The following RGS17 variants were observed in gnomAD, a reference collection of about 807,000 sequenced individuals.
RGS17 encodes the protein regulator of G-protein signaling 17.
Under a neutral mutation model 25.5 loss-of-function variants are expected in RGS17, and 12 were observed. The observed-to-expected ratio is 0.47, with a 90% CI of 0.30 to 0.76. The LOEUF is 0.76. Among genes scored for constraint, RGS17 ranks in the 30% least tolerant of loss-of-function variants. RGS17 has a pLI of 0.07. For missense variants in RGS17, 196 were observed against 242.2 expected (o/e 0.81, Z 1.27); for synonymous variants, 71 against 76.9 (o/e 0.92, Z 0.40).
intron 1 of RGS17, among the ~76,000 whole-genome samples, chr6:153,086,409 C>T (rs939145105): frequency 1.3e-5 from 2 of 152,102 alleles, no homozygotes; most frequent in African/African-American, 4.8e-5. Flanking sequence ...TTGGCCTGCC[C>T]GTAAGTTATG....
intron 1 of RGS17, among the ~76,000 whole-genome samples, chr6:153,102,018 ACAAGGTATCAAATC>A (rs1777311118): frequency 6.6e-6 from 1 of 152,224 alleles, no homozygotes; most frequent in African/African-American, 2.4e-5. Flanking sequence ...GTACCTACCA[ACAAGGTATCAAATC>A]CATTGTTTGG....
At chr6:153,011,826 CTG>C (rs1766932508) in intron 4 of RGS17, 64 bp from the exon 5 acceptor site, 5 of 1,202,520 alleles carry the variant, frequency 4.2e-6, no homozygotes, top group South Asian at 3.2e-5. Context: ...AATTAAGTAA[CTG>C]TAGGTTTGTG....
intron 1 of RGS17, among the ~76,000 whole-genome samples, chr6:153,111,881 T>C (rs903905227): frequency 2.0e-5 from 3 of 152,134 alleles, no homozygotes; most frequent in Non-Finnish European, 2.9e-5. Context: ...CAGAAAGGAA[T>C]AGCATCAACA....
At chr6:153,028,867 G>A (rs976963074) in intron 2 of RGS17, among the ~76,000 whole-genome samples, 7 of 152,150 alleles carry the variant, frequency 4.6e-5, no homozygotes, top group Non-Finnish European at 7.3e-5. Flanking sequence ...ACAGAAGGCA[G>A]TACACATGAC....
chr6:153,126,980 G>A (rs183230951), intron 1 of RGS17, among the ~76,000 whole-genome samples: 10 of 152,264 alleles, frequency 6.6e-5, no homozygotes, highest in African/African-American at 1.2e-4. Flanking sequence ...ACCAGGGACC[G>A]GTTTCATGGA....
At chr6:153,042,603 T>C (rs758274522) in intron 2 of RGS17, among the ~76,000 whole-genome samples, 62 of 152,230 alleles carry the variant, frequency 4.1e-4, no homozygotes, top group Non-Finnish European at 5.9e-4. Context: ...TACTTCTTTA[T>C]AGCAGCATAA....
chr6:153,110,231 T>C (rs1777446818), intron 1 of RGS17, among the ~76,000 whole-genome samples: 1 of 152,172 alleles, frequency 6.6e-6, no homozygotes, highest in African/African-American at 2.4e-5. Context: ...CCGTAGTTCT[T>C]TTAAACAACG....
intron 1 of RGS17, among the ~76,000 whole-genome samples, chr6:153,064,193 C>T (rs1776675969): frequency 1.3e-5 from 2 of 152,128 alleles, no homozygotes; most frequent in South Asian, 2.1e-4. Flanking sequence ...ACACAGAGTA[C>T]TATAACATTG....
At chr6:153,024,196 A>G in intron 4 of RGS17, 66 bp downstream of exon 4, 1 of 1,042,694 alleles carries the variant, frequency 9.6e-7, no homozygotes, top group Non-Finnish European at 1.5e-6. Context: ...CCCAATGTGG[A>G]CAGCCATCCC....
At chr6:153,038,515 A>T (rs1776281089) in intron 2 of RGS17, among the ~76,000 whole-genome samples, 1 of 152,166 alleles carries the variant, frequency 6.6e-6, no homozygotes, top group South Asian at 2.1e-4. Context: ...GTACTCTGGA[A>T]ATCTTGTGCA....
chr6:153,014,356 A>C (rs1779161665), intron 4 of RGS17, among the ~76,000 whole-genome samples: 1 of 152,184 alleles, frequency 6.6e-6, no homozygotes, highest in Non-Finnish European at 1.5e-5. Context: ...TTAAAGTTCT[A>C]CTGCTCATTG....
chr6:153,030,805 A>G (rs1165079431), intron 2 of RGS17, among the ~76,000 whole-genome samples: 1 of 152,210 alleles, frequency 6.6e-6, no homozygotes, highest in Non-Finnish European at 1.5e-5. Context: ...AAAGGTGAAT[A>G]AGACAAAGGC....
chr6:153,110,043 A>G, intron 1 of RGS17, among the ~76,000 whole-genome samples: 1 of 152,256 alleles, frequency 6.6e-6, no homozygotes, highest in East Asian at 1.9e-4. Flanking sequence ...TCAAGAATGA[A>G]TACAATTGAT....
intron 1 of RGS17, among the ~76,000 whole-genome samples, chr6:153,103,056 G>A (rs1166937595): frequency 6.6e-6 from 1 of 152,112 alleles, no homozygotes; most frequent in Non-Finnish European, 1.5e-5. Context: ...TATGGCTAAT[G>A]GGTGTAGAAT....
At chr6:153,018,407 T>C (rs1285228172) in intron 4 of RGS17, among the ~76,000 whole-genome samples, 1 of 152,226 alleles carries the variant, frequency 6.6e-6, no homozygotes, top group African/African-American at 2.4e-5. Context: ...TGAGTATCAG[T>C]TTCTTTTGCT....
In RGS17 at chr6:153,006,415, CATCT is replaced by C. The variant is rs150563901; in HGVS notation, c.*5155_*5158del. The C allele has an allele frequency of 1.3e-5, 2 of 151,856 alleles. No individual in the cohort carries two copies. The highest frequency in any genetic ancestry group is 2.9e-5 in the Non-Finnish European group (2 of 67,804). The allele number at this position is 151,856 out of a possible 1,614,324, so 9.4% of individuals were successfully genotyped here. The stretch of plus-strand genomic sequence containing the variant: ...AACCTATAATTGTATATCCATTTAT[CATCT>C]ATCTATCATCTATCTATCAATCATC... On this transcript the variant is annotated 3_prime_UTR_variant, in exon 5 of 5. Coordinates refer to ENST00000206262, the MANE Select transcript of RGS17 (RefSeq NM_012419.5).
chr6:153,054,092 T>TTTTA lies in RGS17; in HGVS notation c.-25-10050_-25-10049insTAAA, dbSNP rs1554238271. ...CATATATATATACACACAATATTTTTTATATATATATATATATATATGTGT... is the reference window on the plus strand; with the variant it reads ...CATATATATATACACACAATATTTTTTTTATATATATATATATATATATATGTGT... On this transcript the variant is annotated intron_variant, in intron 1 of 4. Coordinates refer to ENST00000206262, the MANE Select transcript of RGS17 (RefSeq NM_012419.5). Among the ~76,000 whole-genome samples, 4 of 42,102 alleles carry TTTTA rather than the reference T, an allele frequency of 9.5e-5. 1 individual carries two copies. Among genetic ancestry groups the TTTTA allele is most frequent in the Admixed American group, 3.9e-4 (1 of 2,562 alleles). The allele number at this position is 42,102 out of a possible 152,430, so 27.6% of individuals were successfully genotyped here. A position where few individuals can be genotyped will look rare whatever the true frequency, so the allele number is the denominator to read the frequency against.
At chr6:153,102,436 T>C (rs1281971) in intron 1 of RGS17, among the ~76,000 whole-genome samples, 14,996 of 152,246 alleles carry the variant, frequency 0.098, 823 homozygotes, top group Admixed American at 0.16. Flanking sequence ...TGGAACTCTA[T>C]ATATTGATAC....
chr6:153,104,817 T>C (rs1161988563), intron 1 of RGS17, among the ~76,000 whole-genome samples: 1 of 145,558 alleles, frequency 6.9e-6, no homozygotes, highest in African/African-American at 2.7e-5. Flanking sequence ...AGCGAGACTC[T>C]TGTCTCAAAA....
Sources: gnomAD v4.1 joint callset for allele counts (sites outside exome capture counted in the v4.1 genomes callset) on GRCh38, gnomAD v4.1.1 for gene constraint, MANE v1.5 for transcripts, NCBI Gene and HGNC (gene_info 2026-07-23, HGNC 2026-07-21) for gene names.